Variants in CSAG1 observed in about 807,000 individuals in gnomAD.
CSAG1 encodes chondrosarcoma associated gene 1, also known as chondrosarcoma-associated gene 1 protein.
In CSAG1, 4 loss-of-function variants were observed where a neutral mutation model predicts 4.8. The ratio of observed to expected loss-of-function variants is 0.83; its 90% CI spans 0.41 to 1.90. CSAG1 has a LOEUF of 1.90. CSAG1 is among the 40% of genes most tolerant of loss of function. CSAG1 has a pLI of 0.03. For missense variants in CSAG1, 69 were observed against 59.5 expected, an observed-to-expected ratio of 1.16 and a Z score of -0.53; for synonymous variants, 21 against 23.1, an observed-to-expected ratio of 0.91 and a Z score of 0.26.
chrX:152,729,769 G>A (rs1414534853), intron 2 of CSAG1, among the ~76,000 whole-genome samples: 4 of 110,212 alleles, frequency 3.6e-5, no homozygotes, highest in Admixed American at 2.9e-4. Context: ...CATAGCTCGT[G>A]GAAATGCAAC....
intron 2 of CSAG1, among the ~76,000 whole-genome samples, chrX:152,731,201 T>C (rs782344260): frequency 4.7e-4 from 52 of 111,828 alleles, no homozygotes; most frequent in African/African-American, 1.7e-3. Flanking sequence ...CGGTATCAAG[T>C]ATCCTGGGTT....
At chrX:152,729,709 A>G (rs1285287658) in intron 2 of CSAG1, among the ~76,000 whole-genome samples, 1 of 110,994 alleles carries the variant, frequency 9.0e-6, no homozygotes, top group Non-Finnish European at 1.9e-5. Context: ...AAAGCAAACA[A>G]AACCAAGACC....
At chrX:152,728,337 A>G in intron 2 of CSAG1, 113 bp from the exon 3 acceptor site, 2 of 753,001 alleles carry the variant, frequency 2.7e-6, no homozygotes, top group Admixed American at 4.6e-5. Flanking sequence ...CACATTATGG[A>G]AGTTAAATTG....
Position 152,732,374 on chromosome X carries a change from T to A in CSAG1, c.16+71A>T, listed in dbSNP as rs1224003230. ...GACATACATAGAGGAGTATAACATA[T>A]TCATTCATGGGGAACACAACAGTGT... On this transcript the variant is annotated intron_variant, in intron 2 of 3. Transcript: ENST00000452779. 36 of 1,146,755 alleles carry A rather than the reference T, an allele frequency of 3.1e-5. No homozygotes were observed. In the East Asian group the frequency reaches 1.0e-3, roughly 33 times the overall value. The allele number at this position is 1,146,755 out of a possible 1,213,427, so 94.5% of individuals were successfully genotyped here. A position where few individuals can be genotyped will look rare whatever the true frequency, so the allele number is the denominator to read the frequency against.
At position 152,727,775 on chromosome X, in the gene CSAG1, T is replaced by A. The variant is rs2124962289; in HGVS notation, c.*19A>T. On this transcript the variant is annotated 3_prime_UTR_variant, in exon 4 of 4. Coordinates refer to ENST00000452779, the MANE Select transcript of CSAG1 (RefSeq NM_001102576.3). ...GTTGGCCCACTCCATTCCTCAGGTT[T>A]TTTTGAAGCGGTGGTCTTTTAGGGA... 2 of 1,208,906 alleles carry A rather than the reference T, an allele frequency of 1.7e-6. No homozygotes were observed. The highest frequency in any genetic ancestry group is 1.8e-5 in the South Asian group (1 of 56,881).
intron 2 of CSAG1, among the ~76,000 whole-genome samples, chrX:152,730,912 T>A (rs1230491044): frequency 2.7e-5 from 3 of 112,740 alleles, no homozygotes; most frequent in Non-Finnish European, 5.6e-5. Flanking sequence ...TTTGGGTACT[T>A]CATCAAAGAA....
intron 2 of CSAG1, among the ~76,000 whole-genome samples, chrX:152,730,870 A>G (rs1419266052): frequency 5.3e-5 from 6 of 112,630 alleles, no homozygotes; most frequent in African/African-American, 1.9e-4. Context: ...TGAAACCACC[A>G]CAGTGAAGCA....
At chrX:152,729,022 G>A (rs1556831241) in intron 2 of CSAG1, among the ~76,000 whole-genome samples, 2 of 109,898 alleles carry the variant, frequency 1.8e-5, no homozygotes, top group African/African-American at 6.6e-5. Flanking sequence ...ATAAGCATTA[G>A]CAAAGAATAG....
chrX:152,733,338 G>A (rs782208481), intron 1 of CSAG1: 1 of 112,318 alleles, frequency 8.9e-6, no homozygotes, highest in South Asian at 3.7e-4. Flanking sequence ...TGAGGACTGA[G>A]GGTCCACCCT....
chrX:152,732,632 T>C (rs1932184906), intron 1 of CSAG1, 128 bp from the exon 2 acceptor site: 1 of 842,210 alleles, frequency 1.2e-6, no homozygotes, highest in Non-Finnish European at 1.7e-6. Context: ...GTGTGACACT[T>C]GCCGTGTCGG....
chrX:152,729,992 T>TATATATATATATATATATATATA (rs1932120254), intron 2 of CSAG1, among the ~76,000 whole-genome samples: 4 of 64,644 alleles, frequency 6.2e-5, no homozygotes, highest in South Asian at 1.7e-3. Context: ...GGTGAATGGA[T>TATATATATATATATATATATATA]TATATATATA....
chrX:152,730,092 G>C (rs1199739626), intron 2 of CSAG1, among the ~76,000 whole-genome samples: 3 of 104,983 alleles, frequency 2.9e-5, no homozygotes, highest in Admixed American at 1.0e-4. Context: ...TAAGTTACAA[G>C]CTGCACAAAG....
At chrX:152,733,598 C>G (rs1206714278) in intron 1 of CSAG1, 70 bp downstream of exon 1, 2 of 99,881 alleles carry the variant, frequency 2.0e-5, no homozygotes, top group Non-Finnish European at 4.1e-5. Context: ...CCCAACCCCA[C>G]CAGGATCTAC....
chrX:152,730,706 G>T (rs1245190030), intron 2 of CSAG1, among the ~76,000 whole-genome samples: 1 of 112,284 alleles, frequency 8.9e-6, no homozygotes, highest in Non-Finnish European at 1.9e-5. Context: ...CTAAGACAAT[G>T]GCAAGAGGCA....
In CSAG1 at chrX:152,728,188, C is replaced by T. The variant is rs1556830818; in HGVS notation, c.53G>A (p.Arg18Gln). ...WPAFTVLGEA[R>Q]GDQVDWSRLY... ...TCTACTCCAGTCCACCTGGTCTCCC[C>T]GAGCTTCCCCCAGGACAGTGAAGGC... The change falls in exon 3 of 4, where the codon CGG becomes CAG. Residue 18 changes from arginine (R) to glutamine (Q), a missense_variant. Transcript: ENST00000452779. The T allele has an allele frequency of 9.1e-6, 11 of 1,209,395 alleles. No homozygotes were observed. Among genetic ancestry groups the T allele is most frequent in the South Asian group, 5.3e-5 (3 of 56,735 alleles).
chrX:152,730,176 A>C (rs1932127855), intron 2 of CSAG1, among the ~76,000 whole-genome samples: 1 of 109,688 alleles, frequency 9.1e-6, no homozygotes, highest in South Asian at 4.0e-4. Context: ...GAGTCTAAAA[A>C]GGCTACATAG....
At chrX:152,728,907 C>T (rs1932088017) in intron 2 of CSAG1, among the ~76,000 whole-genome samples, 1 of 111,957 alleles carries the variant, frequency 8.9e-6, no homozygotes, top group African/African-American at 3.3e-5. Flanking sequence ...ATCAAGGCCC[C>T]ACCCTTATGA....
chrX:152,727,905 G>A, intron 3 of CSAG1, 42 bp from the exon 4 acceptor site: 1 of 1,199,816 alleles, frequency 8.3e-7, no homozygotes, highest in South Asian at 1.8e-5. Context: ...CACTGGTTTG[G>A]GGAAGAGGAT....
At chrX:152,731,522 C>A (rs1427138918) in intron 2 of CSAG1, among the ~76,000 whole-genome samples, 1 of 111,668 alleles carries the variant, frequency 9.0e-6, no homozygotes, top group Non-Finnish European at 1.9e-5. Flanking sequence ...CCAAAACATA[C>A]AAAAGATTGA....
Sources: allele counts gnomAD v4.1 joint callset (sites outside exome capture counted in the v4.1 genomes callset), GRCh38; gene constraint gnomAD v4.1.1; transcripts MANE v1.5; gene names NCBI Gene and HGNC (gene_info 2026-07-23, HGNC 2026-07-21).